The following ROBO1 variants were observed in gnomAD, a reference collection of about 807,000 sequenced individuals.
The protein encoded by ROBO1 is roundabout homolog 1.
In ROBO1, 149 loss-of-function variants were observed where a neutral mutation model predicts 195.9. The observed-to-expected ratio is 0.76, with a 90% CI of 0.67 to 0.87. ROBO1 has a LOEUF of 0.87. ROBO1 is among the 40% of genes least tolerant of loss of function. The pLI is 0.00. For synonymous variants in ROBO1, 816 were observed against 733.2 expected (o/e 1.11, Z -1.82); for missense variants, 1,933 against 2,068.3 (o/e 0.93, Z 1.27).
chr3:79,190,477 G>A (rs1470026179), intron 2 of ROBO1, among the ~76,000 whole-genome samples: 1 of 151,606 alleles, frequency 6.6e-6, no homozygotes, highest in African/African-American at 2.4e-5. Context: ...CACAAATTGA[G>A]TATTGGAGAG....
intron 1 of ROBO1, among the ~76,000 whole-genome samples, chr3:79,676,295 T>C (rs1946781948): frequency 6.6e-6 from 1 of 152,032 alleles, no homozygotes; most frequent in Non-Finnish European, 1.5e-5. Context: ...CTAATACATA[T>C]TGTATTATCT....
At chr3:78,598,952 A>G in intron 30 of ROBO1, 25 bp from the exon 31 acceptor site, 1 of 1,491,764 alleles carries the variant, frequency 6.7e-7, no homozygotes, top group East Asian at 2.3e-5. Flanking sequence ...TTATTGTCAC[A>G]TTTGAAAATA....
intron 1 of ROBO1, among the ~76,000 whole-genome samples, chr3:79,593,855 G>A (rs965577106): frequency 6.6e-6 from 1 of 151,920 alleles, no homozygotes; most frequent in Middle Eastern, 3.2e-3. Flanking sequence ...GAGCACAAGG[G>A]ATCTGCCCGC....
At chr3:79,064,562 A>G (rs2078974982) in intron 3 of ROBO1, among the ~76,000 whole-genome samples, 1 of 151,904 alleles carries the variant, frequency 6.6e-6, no homozygotes, top group Admixed American at 6.6e-5. Flanking sequence ...GGGCTTCATT[A>G]TGTTGCTCGG....
intron 2 of ROBO1, among the ~76,000 whole-genome samples, chr3:79,342,991 A>T (rs867876091): frequency 1.3e-5 from 2 of 151,802 alleles, no homozygotes; most frequent in African/African-American, 4.8e-5. Context: ...AATCATCCGG[A>T]CTCCACCTAT....
At chr3:78,854,460 C>T (rs185359682) in intron 4 of ROBO1, among the ~76,000 whole-genome samples, 1 of 150,370 alleles carries the variant, frequency 6.7e-6, no homozygotes, top group Admixed American at 6.7e-5. Context: ...TCTGGAGAAC[C>T]CTGACTAATA....
At chr3:79,095,243 G>A (rs994532420) in intron 3 of ROBO1, among the ~76,000 whole-genome samples, 2 of 151,974 alleles carry the variant, frequency 1.3e-5, no homozygotes, top group African/African-American at 2.4e-5. Flanking sequence ...TCTCCCCCTT[G>A]AGTGGGAGTT....
intron 1 of ROBO1, among the ~76,000 whole-genome samples, chr3:79,688,066 G>T (rs1947183459): frequency 6.6e-6 from 1 of 151,944 alleles, no homozygotes; most frequent in African/African-American, 2.4e-5. Flanking sequence ...CATGTCCTTT[G>T]TAGGGACATG....
chr3:79,412,581 T>G (rs1031870769), intron 2 of ROBO1, among the ~76,000 whole-genome samples: 3 of 152,142 alleles, frequency 2.0e-5, no homozygotes, highest in Non-Finnish European at 4.4e-5. Context: ...AAGGATTAGA[T>G]GTATAAATAT....
At chr3:79,059,680 T>C (rs2078879060) in intron 3 of ROBO1, among the ~76,000 whole-genome samples, 1 of 152,076 alleles carries the variant, frequency 6.6e-6, no homozygotes. Flanking sequence ...ATTGTGAAGA[T>C]TCCATGGACA....
intron 2 of ROBO1, among the ~76,000 whole-genome samples, chr3:79,188,480 A>G (rs1477076949): frequency 6.6e-6 from 1 of 151,878 alleles, no homozygotes; most frequent in Non-Finnish European, 1.5e-5. Context: ...AACCTTTAAG[A>G]TATGTACATA....
At chr3:79,431,397 T>C (rs916238819) in intron 2 of ROBO1, among the ~76,000 whole-genome samples, 1 of 152,270 alleles carries the variant, frequency 6.6e-6, no homozygotes, top group African/African-American at 2.4e-5. Flanking sequence ...CCCAAGTTTC[T>C]TGGCTGCAGT....
chr3:79,250,784 G>T (rs780856162), intron 2 of ROBO1, among the ~76,000 whole-genome samples: 1 of 152,116 alleles, frequency 6.6e-6, no homozygotes, highest in Non-Finnish European at 1.5e-5. Flanking sequence ...GGCCAGGCGC[G>T]TTGGCTCACA....
chr3:78,831,549 G>A (rs2032210409), intron 4 of ROBO1, among the ~76,000 whole-genome samples: 1 of 152,164 alleles, frequency 6.6e-6, no homozygotes, highest in South Asian at 2.1e-4. Flanking sequence ...GCACAGTACA[G>A]AGGAGATAGC....
intron 2 of ROBO1, among the ~76,000 whole-genome samples, chr3:79,205,626 G>A (rs1331697379): frequency 6.6e-6 from 1 of 151,968 alleles, no homozygotes; most frequent in Non-Finnish European, 1.5e-5. Flanking sequence ...TATTTTGCAG[G>A]GCACTACCTG....
intron 3 of ROBO1, among the ~76,000 whole-genome samples, chr3:79,033,665 C>A (rs917752366): frequency 2.0e-5 from 3 of 152,074 alleles, no homozygotes; most frequent in African/African-American, 7.2e-5. Context: ...ATTAGGGTGG[C>A]CTTGCTGGTT....
intron 2 of ROBO1, among the ~76,000 whole-genome samples, chr3:79,377,925 G>T (rs531536143): frequency 6.6e-6 from 1 of 152,248 alleles, no homozygotes; most frequent in East Asian, 1.9e-4. Flanking sequence ...TAATTAAGCA[G>T]ATGAGCAGAC....
chr3:79,383,802 C>T (rs772257779), intron 2 of ROBO1, among the ~76,000 whole-genome samples: 1 of 151,930 alleles, frequency 6.6e-6, no homozygotes, highest in African/African-American at 2.4e-5. Context: ...GAATTGCCAG[C>T]GTAGATGTCT....
chr3:79,596,854 A>G (rs1046015457), intron 1 of ROBO1, among the ~76,000 whole-genome samples: 2 of 152,056 alleles, frequency 1.3e-5, no homozygotes, highest in Non-Finnish European at 2.9e-5. Flanking sequence ...CACAAATTGT[A>G]TAACTTGGAG....
Sources: gnomAD v4.1 joint callset for allele counts (sites outside exome capture counted in the v4.1 genomes callset) on GRCh38, gnomAD v4.1.1 for gene constraint, MANE v1.5 for transcripts, NCBI Gene and HGNC (gene_info 2026-07-23, HGNC 2026-07-21) for gene names.